The following FAM135B variants were observed in gnomAD, a reference collection of about 807,000 sequenced individuals.
The protein encoded by FAM135B is protein FAM135B.
Under a neutral mutation model 127.7 loss-of-function variants are expected in FAM135B, and 43 were observed. That is an observed-to-expected ratio of 0.34 (90% CI 0.26 to 0.43). The LOEUF is 0.43. Ranked by LOEUF, FAM135B falls within the 20% of genes least tolerant of loss-of-function variation. The pLI is 1.00. For synonymous variants in FAM135B, 670 were observed against 665.1 expected (o/e 1.01, Z -0.11); for missense variants, 1,558 against 1,725.6 (o/e 0.90, Z 1.72).
Position 138,372,621 on chromosome 8 carries a change from A to G in FAM135B, c.-19-4619T>C, listed in dbSNP as rs372284434. Among the ~76,000 whole-genome samples the G allele has an allele frequency of 1.2e-4, 18 of 152,320 alleles. No individual in the cohort carries two copies. The East Asian group carries it at 2.5e-3, about 21-fold the overall frequency. ...AATAATAATACCTACTTCCTGGAGT[A>G]CTGCAATAATTAAAACTATTAACAT... is the stretch of plus-strand genomic sequence containing the variant. On this transcript the variant is annotated intron_variant, in intron 1 of 19. Transcript: ENST00000395297.
At chr8:138,423,481 G>C (rs759155010) in intron 1 of FAM135B, among the ~76,000 whole-genome samples, 11 of 152,064 alleles carry the variant, frequency 7.2e-5, no homozygotes, top group Non-Finnish European at 1.3e-4. Flanking sequence ...ATGTCGGTAG[G>C]TTCCGTGATG....
At chr8:138,335,413 T>C (rs1268295021) in intron 2 of FAM135B, among the ~76,000 whole-genome samples, 1 of 152,142 alleles carries the variant, frequency 6.6e-6, no homozygotes, top group East Asian at 1.9e-4. Context: ...ATACAAATTA[T>C]CTACAAAGAA....
chr8:138,245,630 A>G (rs187702213), intron 6 of FAM135B, among the ~76,000 whole-genome samples: 18 of 152,216 alleles, frequency 1.2e-4, no homozygotes, highest in Non-Finnish European at 2.5e-4. Flanking sequence ...TTTATTAATT[A>G]CCCAATCTTG....
At chr8:138,344,484 C>A (rs567830280) in intron 2 of FAM135B, among the ~76,000 whole-genome samples, 3 of 152,182 alleles carry the variant, frequency 2.0e-5, no homozygotes, top group African/African-American at 7.2e-5. Flanking sequence ...TCTTAATTAA[C>A]CTTCAGGTCT....
At chr8:138,232,257 C>T (rs12542117) in intron 7 of FAM135B, among the ~76,000 whole-genome samples, 53,104 of 152,010 alleles carry the variant, frequency 0.35, 9,807 homozygotes, top group African/African-American at 0.38. Flanking sequence ...TGGGGGGGAG[C>T]CCTGGACTGT....
intron 1 of FAM135B, among the ~76,000 whole-genome samples, chr8:138,386,043 C>T (rs568382629): frequency 6.6e-6 from 1 of 151,930 alleles, no homozygotes; most frequent in South Asian, 2.1e-4. Flanking sequence ...ACGGTGAAAC[C>T]TCCACTCTAC....
intron 7 of FAM135B, among the ~76,000 whole-genome samples, chr8:138,224,113 C>A (rs768326906): frequency 3.3e-5 from 5 of 151,996 alleles, no homozygotes; most frequent in Non-Finnish European, 1.5e-5. Context: ...TCAACTGTAC[C>A]CCAAACCTCA....
rs114648207 is a variant in FAM135B, at chr8:138,392,098, C to T, written c.-19-24096G>A. 5.4e-3 allele frequency among the ~76,000 whole-genome samples: 828 copies of T among 152,318 alleles called. 5 individuals are homozygous for T. The highest frequency in any genetic ancestry group is 0.019 in the African/African-American group (771 of 41,560). ...CCAAATAACATATGGAAACACCTGG[C>T]ATGTTGAATGTCACACATTCAGATA... On this transcript the variant is annotated intron_variant, in intron 1 of 19. Coordinates refer to ENST00000395297, the MANE Select transcript of FAM135B (RefSeq NM_015912.4).
chr8:138,288,180 T>C (rs1395323018), intron 3 of FAM135B, among the ~76,000 whole-genome samples: 1 of 152,150 alleles, frequency 6.6e-6, no homozygotes, highest in African/African-American at 2.4e-5. Flanking sequence ...CATTCATTCA[T>C]GAAATAAATT....
At chr8:138,437,161 A>G (rs1056711144) in intron 1 of FAM135B, 1 of 152,216 alleles carries the variant, frequency 6.6e-6, no homozygotes, top group African/African-American at 2.4e-5. Context: ...GGGTTTAGAA[A>G]TAGAGAAGAA....
chr8:138,153,333 G>C (rs6981857), intron 12 of FAM135B, 117 bp from the exon 13 acceptor site: 538,303 of 781,396 alleles, frequency 0.69, 186,205 homozygotes, highest in East Asian at 0.79. Context: ...TTCGAAGATG[G>C]GAGAATAGGA....
chr8:138,451,187 T>C (rs1836460995), intron 1 of FAM135B, among the ~76,000 whole-genome samples: 1 of 152,176 alleles, frequency 6.6e-6, no homozygotes, highest in Admixed American at 6.5e-5. Context: ...CAGCTTCTGC[T>C]AAGTTCTGAA....
At chr8:138,373,029 T>A (rs1484174033) in intron 1 of FAM135B, among the ~76,000 whole-genome samples, 1 of 152,114 alleles carries the variant, frequency 6.6e-6, no homozygotes, top group Non-Finnish European at 1.5e-5. Flanking sequence ...CCCATTACCT[T>A]CGGGCAGGCA....
chr8:138,226,992 C>A (rs1819509692), intron 7 of FAM135B, among the ~76,000 whole-genome samples: 1 of 152,308 alleles, frequency 6.6e-6, no homozygotes, highest in Non-Finnish European at 1.5e-5. Flanking sequence ...CCACCACACC[C>A]AGCCCTAACT....
At chr8:138,368,590 C>T (rs1442546672) in intron 1 of FAM135B, among the ~76,000 whole-genome samples, 1 of 152,108 alleles carries the variant, frequency 6.6e-6, no homozygotes. Flanking sequence ...TAAATGCAGT[C>T]TCTAAAGACT....
At chr8:138,411,859 T>C (rs895471801) in intron 1 of FAM135B, among the ~76,000 whole-genome samples, 1 of 152,156 alleles carries the variant, frequency 6.6e-6, no homozygotes, top group African/African-American at 2.4e-5. Flanking sequence ...AAAATGTACA[T>C]ATGTGTCATG....
rs191294136 is a variant in FAM135B, at chr8:138,316,229, G to A, written c.78-5309C>T. Among the ~76,000 whole-genome samples the A allele has an allele frequency of 7.2e-3, 1,100 of 152,268 alleles. 8 individuals carry two copies. Among genetic ancestry groups the A allele is most frequent in the African/African-American group, 0.025 (1,054 of 41,558 alleles). On this transcript the variant is annotated intron_variant, in intron 2 of 19. Transcript: ENST00000395297. ...TACTAATTAAAACCACAATGAGGCC[G>A]GGCGCGGTGGCTCACGCCTGTAATC... is the stretch of plus-strand genomic sequence containing the variant.
intron 7 of FAM135B, among the ~76,000 whole-genome samples, chr8:138,219,849 C>G (rs1818885435): frequency 6.6e-6 from 1 of 152,152 alleles, no homozygotes; most frequent in East Asian, 1.9e-4. Context: ...GAAACAGAAA[C>G]AGATGCACAG....
chr8:138,183,105 A>G (rs1586708952), intron 9 of FAM135B, among the ~76,000 whole-genome samples: 1 of 144,022 alleles, frequency 6.9e-6, no homozygotes, highest in African/African-American at 2.5e-5. Flanking sequence ...GCCCTCTCCT[A>G]CATATACAAG....
Sources: gnomAD v4.1 joint callset for allele counts (sites outside exome capture counted in the v4.1 genomes callset) on GRCh38, gnomAD v4.1.1 for gene constraint, MANE v1.5 for transcripts, NCBI Gene and HGNC (gene_info 2026-07-23, HGNC 2026-07-21) for gene names.